The following CCN3 variants were observed in gnomAD, a reference collection of about 807,000 sequenced individuals.
CCN3 encodes the protein CCN family member 3.
In CCN3, 20 loss-of-function variants were observed where a neutral mutation model predicts 33.4. The ratio of observed to expected loss-of-function variants is 0.60; its 90% CI spans 0.42 to 0.87. CCN3 has a LOEUF of 0.87. Ranked by LOEUF, CCN3 falls within the 40% of genes least tolerant of loss-of-function variation. The pLI is 0.00. For missense variants in CCN3, 465 were observed against 455.3 expected, an observed-to-expected ratio of 1.02 and a Z score of -0.19; for synonymous variants, 205 against 170.4, an observed-to-expected ratio of 1.20 and a Z score of -1.58.
In CCN3 at chr8:119,419,248, G is replaced by C. The variant is rs141834767; in HGVS notation, c.680G>C (p.Arg227Pro). Residue 227 changes from arginine to proline, a missense_variant, in exon 4 of 5, where the codon CGG becomes CCG. Arg to Pro is a moderately radical substitution (Grantham distance 103). Coordinates refer to ENST00000259526, the MANE Select transcript of CCN3 (RefSeq NM_002514.4). ...AGCTGTGGTATGGGGTTCTCCACCC[G>C]GGTCACCAATAGGAACCGTCAATGT... ...SKSCGMGFST[R>P]VTNRNRQCEM... 8 of 1,614,198 alleles carry C rather than the reference G, an allele frequency of 5.0e-6. No homozygotes were observed. The South Asian group carries it at 7.7e-5, about 16-fold the overall frequency.
At chr8:119,416,705 C>A in intron 1 of CCN3, 39 bp from the exon 2 acceptor site, 1 of 1,576,292 alleles carries the variant, frequency 6.3e-7, no homozygotes, top group Non-Finnish European at 8.6e-7. Flanking sequence ...CGTCTTCTGT[C>A]CCAGCTGAGT....
chr8:119,423,035 T>C lies in CCN3; in HGVS notation c.977T>C (p.Met326Thr). ...GGGCAAATAGTCAAGAAGCCAGTGA[T>C]GGTCATTGGGACCTGCACCTGTCAC... ...SPGQIVKKPV[M>T]VIGTCTCHTN... Residue 326 changes from methionine (M) to threonine (T), a missense_variant, in exon 5 of 5, where the codon ATG (methionine) becomes ACG (threonine). Met to Thr is a moderately conservative substitution (Grantham distance 81). Coordinates refer to ENST00000259526, the MANE Select transcript of CCN3 (RefSeq NM_002514.4). The C allele has an allele frequency of 6.2e-7, 1 of 1,614,146 alleles. No homozygotes were observed. The highest frequency in any genetic ancestry group is 8.5e-7 in the Non-Finnish European group (1 of 1,180,022).
chr8:119,423,263 A>T lies in CCN3; in HGVS notation c.*131A>T. On this transcript the variant is annotated 3_prime_UTR_variant, in exon 5 of 5. Coordinates refer to ENST00000259526, the MANE Select transcript of CCN3 (RefSeq NM_002514.4). The stretch of plus-strand genomic sequence containing the variant: ...TCCTATGTATTTTCCTAATGTGATC[A>T]TATGAGGACCTTTATATCTGTCTTT... The T allele has an allele frequency of 1.2e-6, 1 of 855,876 alleles. No homozygotes were observed. The highest frequency in any genetic ancestry group is 1.8e-6 in the Non-Finnish European group (1 of 553,568). The allele number at this position is 855,876 out of a possible 1,614,324, so 53.0% of individuals were successfully genotyped here.
At position 119,418,328 on chromosome 8, in the gene CCN3, C is replaced by T. The variant is rs1401176472; in HGVS notation, c.562+19C>T. The T allele has an allele frequency of 6.2e-7, 1 of 1,612,612 alleles. No homozygotes were observed. The highest frequency in any genetic ancestry group is 1.3e-5 in the African/African-American group (1 of 74,886). On this transcript the variant is annotated intron_variant, in intron 3 of 4. Coordinates refer to ENST00000259526, the MANE Select transcript of CCN3 (RefSeq NM_002514.4). Reference sequence around the variant, plus strand: ...CTTGCAGGTGAGAAACTCAATATACCTAGGGCTGGTCATAGTAGAGGGTAA... The same window carrying T: ...CTTGCAGGTGAGAAACTCAATATACTTAGGGCTGGTCATAGTAGAGGGTAA...
At position 119,422,945 on chromosome 8, in the gene CCN3, G is replaced by C; in HGVS notation, c.887G>C (p.Ser296Thr). The change falls in exon 5 of 5, where the codon AGT (serine) becomes ACT (threonine). Residue 296 changes from serine to threonine, a missense_variant. Physicochemically the swap from Ser to Thr is moderately conservative, Grantham distance 58. Transcript: ENST00000259526. Reference sequence around the variant, plus strand: ...AAGCCCAGGTTCTGTGGGGTCTGCAGTGATGGCCGCTGCTGCACTCCCCAC... The same window carrying C: ...AAGCCCAGGTTCTGTGGGGTCTGCACTGATGGCCGCTGCTGCACTCCCCAC... ...TYKPRFCGVC[S>T]DGRCCTPHNT... 1 of 1,614,150 alleles carries C rather than the reference G, an allele frequency of 6.2e-7. No individual in the cohort carries two copies. The highest frequency in any genetic ancestry group is 1.1e-5 in the South Asian group (1 of 91,062).
rs767830515 is a variant in CCN3 at position 119,416,778 on chromosome 8, C to T, written c.119C>T (p.Pro40Leu). 1.0e-5 allele frequency: 16 copies of T among 1,595,198 alleles called. No homozygotes were observed. The highest frequency in any genetic ancestry group is 2.3e-5 in the East Asian group (1 of 43,996). Residue 40 changes from proline (P) to leucine (L), a missense_variant, in exon 2 of 5, where the codon CCG (proline) becomes CTG (leucine). By Grantham distance (98) the Pro-to-Leu change is moderately conservative (BLOSUM62 -3). Coordinates refer to ENST00000259526, the MANE Select transcript of CCN3 (RefSeq NM_002514.4). ...ACTCAGCGCTGCCCTCCCCAGTGCCCGGGCCGGTGCCCTGCGACGCCGCCG... is the reference window on the plus strand; with the variant it reads ...ACTCAGCGCTGCCCTCCCCAGTGCCTGGGCCGGTGCCCTGCGACGCCGCCG... ...AATQRCPPQCPGRCPATPPTC... is the reference protein window; with the variant it reads ...AATQRCPPQCLGRCPATPPTC...
At chr8:119,421,370 G>A (rs778095170) in intron 4 of CCN3, among the ~76,000 whole-genome samples, 11 of 152,178 alleles carry the variant, frequency 7.2e-5, no homozygotes, top group Non-Finnish European at 1.0e-4. Context: ...TTGTTAAAAT[G>A]TAAATTTGTG....
At position 119,424,047 on chromosome 8, in the gene CCN3, A is replaced by C. The variant is rs1461355571; in HGVS notation, c.*915A>C. 6.6e-6 allele frequency: 1 copy of C among 152,214 alleles called. No homozygotes were observed. Among genetic ancestry groups the C allele is most frequent in the African/African-American group, 2.4e-5 (1 of 41,446 alleles). 9.4% of individuals were successfully genotyped at this position (152,214 alleles called of 1,614,324 possible). ...TTGAGAAAAATAGAGCAAAATCAAC[A>C]TGACTGGTGGTGAGAGACCACACAT... On this transcript the variant is annotated 3_prime_UTR_variant, in exon 5 of 5. Coordinates refer to ENST00000259526, the MANE Select transcript of CCN3 (RefSeq NM_002514.4).
Position 119,424,078 on chromosome 8 carries a change from G to A in CCN3, c.*946G>A, listed in dbSNP as rs1329546704. On this transcript the variant is annotated 3_prime_UTR_variant, in exon 5 of 5. Transcript: ENST00000259526. Reference sequence around the variant, plus strand: ...GGTGGTGAGAGACCACACATTTTATGAGAGTTTGGAATTATTGTAGACATG... The same window carrying A: ...GGTGGTGAGAGACCACACATTTTATAAGAGTTTGGAATTATTGTAGACATG... 7.2e-5 allele frequency: 11 copies of A among 152,132 alleles called. No homozygotes were observed. Among genetic ancestry groups the A allele is most frequent in the Admixed American group, 7.2e-4 (11 of 15,258 alleles). 9.4% of individuals were successfully genotyped at this position (152,132 alleles called of 1,614,324 possible).
At chr8:119,417,916 A>G in intron 2 of CCN3, 142 bp from the exon 3 acceptor site, 8 of 790,738 alleles carry the variant, frequency 1.0e-5, no homozygotes, top group Non-Finnish European at 1.7e-5. Flanking sequence ...CAGTAGATAC[A>G]TGAGAAACCA....
At position 119,423,103 on chromosome 8, in the gene CCN3, G is replaced by T; in HGVS notation, c.1045G>T (p.Glu349Ter). Residue 349 changes from glutamate (E) to a stop codon, truncating the protein, a stop_gained, in exon 5 of 5, where the codon GAG (glutamate) becomes TAG (stop). Coordinates refer to ENST00000259526, the MANE Select transcript of CCN3 (RefSeq NM_002514.4). LOFTEE classifies it high-confidence loss of function. Reference sequence around the variant, plus strand: ...CAATGAGGCCTTCCTCCAGGAGCTGGAGCTGAAGACTACCAGAGGGAAAAT... The same window carrying T: ...CAATGAGGCCTTCCTCCAGGAGCTGTAGCTGAAGACTACCAGAGGGAAAAT... The part of the protein sequence containing the change: ...KNNEAFLQEL[E>*]LKTTRGKM 1 of 1,614,034 alleles carries T rather than the reference G, an allele frequency of 6.2e-7. No homozygotes were observed. The highest frequency in any genetic ancestry group is 8.5e-7 in the Non-Finnish European group (1 of 1,179,946).
At position 119,423,021 on chromosome 8, in the gene CCN3, C is replaced by G. The variant is rs955665202; in HGVS notation, c.963C>G (p.Val321=). The change falls in exon 5 of 5, where the codon GTC becomes GTG. Residue 321 remains valine, a synonymous_variant. Transcript: ENST00000259526. ...AEFQCSPGQI[V]KKPVMVIGTC... is the part of the protein sequence containing the mutation. ...TTCAGTGCTCCCCAGGGCAAATAGT[C>G]AAGAAGCCAGTGATGGTCATTGGGA... 61 of 1,614,000 alleles carry G rather than the reference C, an allele frequency of 3.8e-5. No individual in the cohort carries two copies. Among genetic ancestry groups the G allele is most frequent in the Non-Finnish European group, 5.0e-5 (59 of 1,180,026 alleles).
At position 119,418,283 on chromosome 8, in the gene CCN3, A is replaced by G; in HGVS notation, c.536A>G (p.Asp179Gly). The change falls in exon 3 of 5, where the codon GAT (aspartate) becomes GGT (glycine). Residue 179 changes from aspartate (D) to glycine (G), a missense_variant. Physicochemically the swap from Asp to Gly is moderately conservative, Grantham distance 94. Coordinates refer to ENST00000259526, the MANE Select transcript of CCN3 (RefSeq NM_002514.4). ...TGGATCTGTGGCCCAGATGAGGAGG[A>G]TTCACTGGGAGGCCTTACCCTTGCA... Reference protein sequence around the residue: ...EKWICGPDEEDSLGGLTLAAY... With the variant: ...EKWICGPDEEGSLGGLTLAAY... 6.2e-7 allele frequency: 1 copy of G among 1,614,118 alleles called. No individual in the cohort carries two copies. The highest frequency in any genetic ancestry group is 8.5e-7 in the Non-Finnish European group (1 of 1,180,014).
At chr8:119,421,188 T>C (rs1040027448) in intron 4 of CCN3, among the ~76,000 whole-genome samples, 9 of 152,016 alleles carry the variant, frequency 5.9e-5, no homozygotes, top group Admixed American at 1.3e-4. Context: ...TTTTGTATTT[T>C]TTAGTAGAGA....
chr8:119,421,008 GTTC>G (rs1820115384), intron 4 of CCN3, among the ~76,000 whole-genome samples: 1 of 113,716 alleles, frequency 8.8e-6, no homozygotes, highest in South Asian at 2.7e-4. Context: ...TAAGACAGTG[GTTC>G]TTTTTTTTTT....
chr8:119,420,584 C>T (rs1341924812), intron 4 of CCN3, among the ~76,000 whole-genome samples: 5 of 152,148 alleles, frequency 3.3e-5, no homozygotes, highest in Admixed American at 6.5e-5. Flanking sequence ...CACTTCCCCA[C>T]GCTCAGAGGA....
At chr8:119,419,069 G>C in intron 3 of CCN3, 62 bp from the exon 4 acceptor site, 2 of 1,359,244 alleles carry the variant, frequency 1.5e-6, no homozygotes, top group African/African-American at 1.4e-5. Context: ...TGGCTGAAAA[G>C]GACCACTTTC....
chr8:119,421,456 C>G (rs76229352), intron 4 of CCN3, among the ~76,000 whole-genome samples: 1 of 152,252 alleles, frequency 6.6e-6, no homozygotes, highest in South Asian at 2.1e-4. Flanking sequence ...AAGAAATCCT[C>G]TAGATGATTT....
At chr8:119,422,670 A>G (rs1820140300) in intron 4 of CCN3, among the ~76,000 whole-genome samples, 166 bp from the exon 5 acceptor site, 1 of 152,190 alleles carries the variant, frequency 6.6e-6, no homozygotes, top group African/African-American at 2.4e-5. Flanking sequence ...TGTGGAAGCA[A>G]ATACTTTTAG....
Sources: allele counts gnomAD v4.1 joint callset (sites outside exome capture counted in the v4.1 genomes callset), GRCh38; gene constraint gnomAD v4.1.1; transcripts MANE v1.5; gene names NCBI Gene and HGNC (gene_info 2026-07-23, HGNC 2026-07-21).